The following PCBP3 variants were observed in gnomAD, a reference collection of about 807,000 sequenced individuals.
The protein encoded by PCBP3 is poly(rC) binding protein 3.
Under a neutral mutation model 52.7 loss-of-function variants are expected in PCBP3, and 25 were observed. The observed-to-expected ratio is 0.47, with a 90% confidence interval of 0.35 to 0.66. The LOEUF is 0.66. PCBP3 is among the 30% of genes least tolerant of loss of function. The probability of loss-of-function intolerance (pLI) is 0.01; values close to 1 mark genes in which losing one functional copy is unlikely to be tolerated. For synonymous variants in PCBP3, 162 were observed against 183.0 expected (o/e 0.89, Z 0.93); for missense variants, 391 against 490.3 (o/e 0.80, Z 1.91).
chr21:45,669,036 TG>T (rs977707816), intron 2 of PCBP3, 84 bp downstream of exon 2: 6 of 152,242 alleles, frequency 3.9e-5, no homozygotes, highest in African/African-American at 1.4e-4. Context: ...GCCTGAGGTA[TG>T]TTGGCTTCTT....
At chr21:45,757,100 T>G (rs1485721182) in intron 4 of PCBP3, among the ~76,000 whole-genome samples, 1 of 152,240 alleles carries the variant, frequency 6.6e-6, no homozygotes, top group Non-Finnish European at 1.5e-5. Flanking sequence ...TTTGAGAAGA[T>G]GCCAAGTGGT....
intron 12 of PCBP3, chr21:45,914,497 C>T (rs1026613143): frequency 1.3e-5 from 3 of 234,660 alleles, no homozygotes; most frequent in East Asian, 9.2e-5. Flanking sequence ...ATGCATGGCC[C>T]GACGACCGGG....
At chr21:45,801,751 G>C (rs1347957194) in intron 4 of PCBP3, among the ~76,000 whole-genome samples, 1 of 152,240 alleles carries the variant, frequency 6.6e-6, no homozygotes, top group Non-Finnish European at 1.5e-5. Flanking sequence ...GTGCTGTTCA[G>C]ATCCTGTCAC....
intron 2 of PCBP3, among the ~76,000 whole-genome samples, chr21:45,725,902 T>C (rs2148392485): frequency 6.6e-6 from 1 of 152,070 alleles, no homozygotes; most frequent in East Asian, 1.9e-4. Context: ...AGGAAGCCAG[T>C]GCAGGAGATG....
At chr21:45,838,591 T>C (rs2093638120) in intron 4 of PCBP3, among the ~76,000 whole-genome samples, 1 of 152,160 alleles carries the variant, frequency 6.6e-6, no homozygotes, top group East Asian at 1.9e-4. Flanking sequence ...GATTACATTA[T>C]TTTAACTTAA....
intron 5 of PCBP3, among the ~76,000 whole-genome samples, chr21:45,851,952 C>G (rs937620287): frequency 3.9e-5 from 6 of 152,162 alleles, no homozygotes; most frequent in African/African-American, 1.2e-4. Flanking sequence ...ATAAAGCTCC[C>G]CAGCCCTGAG....
intron 4 of PCBP3, among the ~76,000 whole-genome samples, chr21:45,766,773 G>T (rs373699795): frequency 2.6e-5 from 4 of 152,300 alleles, no homozygotes; most frequent in African/African-American, 9.6e-5. Flanking sequence ...TAGCTGCCAG[G>T]ACTCTGCCTA....
rs555945687 is a variant in PCBP3, at chr21:45,805,981, C to A, written c.-125-43980C>A. Among the ~76,000 whole-genome samples, 9 of 152,304 alleles carry A rather than the reference C, an allele frequency of 5.9e-5. No individual in the cohort carries two copies. Among genetic ancestry groups the A allele is most frequent in the Non-Finnish European group, 1.0e-4 (7 of 68,020 alleles). On this transcript the variant is annotated intron_variant, in intron 4 of 17. Coordinates refer to ENST00000681687, the MANE Select transcript of PCBP3 (RefSeq NM_001384156.1). This position sits in a 1 kb window ranked among gnomAD's most constrained non-coding sequence, Gnocchi z 4.6. Reference sequence around the variant, plus strand: ...TTGCATGAGAAGATGGAGGAGCCTCCTTGTGCTGCTGTGTCTCAGCATTAG... The same window carrying A: ...TTGCATGAGAAGATGGAGGAGCCTCATTGTGCTGCTGTGTCTCAGCATTAG...
chr21:45,707,898 G>A (rs1354792323), intron 2 of PCBP3, among the ~76,000 whole-genome samples: 1 of 152,212 alleles, frequency 6.6e-6, no homozygotes, highest in Non-Finnish European at 1.5e-5. Context: ...CACCCCAGGT[G>A]TCATCTTGAC....
intron 5 of PCBP3, among the ~76,000 whole-genome samples, chr21:45,894,937 TAAC>T (rs2148993682): frequency 6.6e-6 from 1 of 152,386 alleles, no homozygotes; most frequent in South Asian, 2.1e-4. Flanking sequence ...CTATTACAGA[TAAC>T]AATTTGTAAT....
chr21:45,909,705 GGACCCGGCCACCCACTGCCCAGATACA>G (rs2096289859), intron 10 of PCBP3, among the ~76,000 whole-genome samples: 8 of 143,032 alleles, frequency 5.6e-5, no homozygotes, highest in African/African-American at 7.8e-5. Context: ...GCCCAGATAC[GGACCCGGCCACCCACTGCCCAGATACA>G]GACCTGGCCC....
intron 4 of PCBP3, among the ~76,000 whole-genome samples, chr21:45,770,169 G>A (rs1048033417): frequency 5.9e-5 from 9 of 152,202 alleles, no homozygotes; most frequent in Admixed American, 3.3e-4. Context: ...CCGAAGGGGC[G>A]CCTCCTCTCC....
intron 5 of PCBP3, among the ~76,000 whole-genome samples, chr21:45,889,514 G>A (rs1396945432): frequency 6.6e-6 from 1 of 152,214 alleles, no homozygotes; most frequent in Non-Finnish European, 1.5e-5. Flanking sequence ...AGGCAGTGTG[G>A]TTGCCTGGCA....
chr21:45,822,983 G>C lies in PCBP3; in HGVS notation c.-125-26978G>C, dbSNP rs1327588668. On this transcript the variant is annotated intron_variant, in intron 4 of 17. Coordinates refer to ENST00000681687, the MANE Select transcript of PCBP3 (RefSeq NM_001384156.1). Reference sequence around the variant, plus strand: ...GTGACTCACATGTGAGGCTGACCTGGGCCCTAGCGGGGGGTAAGGTCTTCC... The same window carrying C: ...GTGACTCACATGTGAGGCTGACCTGCGCCCTAGCGGGGGGTAAGGTCTTCC... Among the ~76,000 whole-genome samples the C allele has an allele frequency of 2.6e-5, 4 of 152,148 alleles. No individual in the cohort carries two copies. The East Asian group carries it at 5.8e-4, about 22-fold the overall frequency.
At chr21:45,647,039 A>G (rs561970977) in intron 1 of PCBP3, among the ~76,000 whole-genome samples, 21 of 145,856 alleles carry the variant, frequency 1.4e-4, no homozygotes, top group Admixed American at 7.6e-4. Context: ...CAGTTACTTT[A>G]GAATTGCCCC....
chr21:45,891,695 G>A (rs1197694992), intron 5 of PCBP3, among the ~76,000 whole-genome samples: 2 of 152,194 alleles, frequency 1.3e-5, no homozygotes, highest in Non-Finnish European at 2.9e-5. Context: ...TGAAGTATGT[G>A]CAGCCTATTA....
At chr21:45,719,710 G>A (rs1470226421) in intron 2 of PCBP3, among the ~76,000 whole-genome samples, 1 of 152,136 alleles carries the variant, frequency 6.6e-6, no homozygotes, top group Non-Finnish European at 1.5e-5. Flanking sequence ...GGCCTCCCCA[G>A]CATTGTGGAA....
Position 45,880,302 on chromosome 21 carries a change from G to C in PCBP3, c.11-15906G>C, listed in dbSNP as rs73911030. Among the ~76,000 whole-genome samples, 5,786 of 152,246 alleles carry C rather than the reference G, an allele frequency of 0.038. 235 individuals carry two copies. Among genetic ancestry groups the C allele is most frequent in the East Asian group, 0.11 (561 of 5,146 alleles). On this transcript the variant is annotated intron_variant, in intron 5 of 17. Transcript: ENST00000681687. This position sits in a 1 kb window ranked among gnomAD's most constrained non-coding sequence, Gnocchi z 5.4. ...GCCTCGGAGGGGAGGGGAGCGCCTGGGGCGCCGCGGTCCTGACCCCACACA... is the reference window on the plus strand; with the variant it reads ...GCCTCGGAGGGGAGGGGAGCGCCTGCGGCGCCGCGGTCCTGACCCCACACA...
rs1222866497 is a variant in PCBP3, at chr21:45,928,568, T to C, written c.718-1349T>C. Among the ~76,000 whole-genome samples, 1 of 152,148 alleles carries C rather than the reference T, an allele frequency of 6.6e-6. No individual in the cohort carries two copies. The highest frequency in any genetic ancestry group is 1.9e-4 in the East Asian group (1 of 5,184). On this transcript the variant is annotated intron_variant, in intron 13 of 17. Transcript: ENST00000681687. The surrounding 1 kb of genome is among the most constrained non-coding windows in gnomAD (Gnocchi z 4.1). ...ACAGTCGCCGCATTCCTGACTGTGC[T>C]CCCTGGTGTCAGGGAACCCAGGTGC... is the stretch of plus-strand genomic sequence containing the variant.
Sources: gnomAD v4.1 joint callset for allele counts (sites outside exome capture counted in the v4.1 genomes callset) on GRCh38, gnomAD v4.1.1 for gene constraint, Gnocchi (gnomAD v3.1) non-coding constraint, MANE v1.5 for transcripts, NCBI Gene and HGNC (gene_info 2026-07-23, HGNC 2026-07-21) for gene names.